Variants in KCNIP4 observed in about 807,000 individuals in gnomAD.
KCNIP4 encodes the protein potassium voltage-gated channel interacting protein 4.
Under a neutral mutation model 34.0 loss-of-function variants are expected in KCNIP4, and 12 were observed. That is an observed-to-expected ratio of 0.35 (90% confidence interval 0.23 to 0.57). KCNIP4 has a LOEUF of 0.57. Among genes scored for constraint, KCNIP4 ranks in the 20% least tolerant of loss-of-function variants. The pLI is 0.83. For synonymous variants in KCNIP4, 124 were observed against 102.2 expected (o/e 1.21, Z -1.29); for missense variants, 238 against 311.7 (o/e 0.76, Z 1.78).
intron 3 of KCNIP4, among the ~76,000 whole-genome samples, chr4:20,816,467 A>G (rs1199707710): frequency 6.6e-6 from 1 of 152,176 alleles, no homozygotes; most frequent in Non-Finnish European, 1.5e-5. Flanking sequence ...CGGGCAAGAC[A>G]AAAGACCTCT....
At chr4:21,122,747 C>T (rs1202243270) in intron 1 of KCNIP4, among the ~76,000 whole-genome samples, 1 of 152,112 alleles carries the variant, frequency 6.6e-6, no homozygotes, top group Non-Finnish European at 1.5e-5. Flanking sequence ...ATAGGGCATA[C>T]CCTCTAGTAC....
chr4:21,496,707 G>A (rs570609762), intron 1 of KCNIP4, among the ~76,000 whole-genome samples: 5 of 152,248 alleles, frequency 3.3e-5, no homozygotes, highest in Middle Eastern at 6.8e-3. Context: ...AGAGGTGAGC[G>A]ACTGGTGAGC....
At chr4:20,754,266 A>G (rs1754122641) in intron 4 of KCNIP4, among the ~76,000 whole-genome samples, 1 of 152,214 alleles carries the variant, frequency 6.6e-6, no homozygotes, top group Non-Finnish European at 1.5e-5. Context: ...TCACAAAGCA[A>G]TAGAGAAAGC....
chr4:20,738,458 A>C (rs1449648237), intron 5 of KCNIP4, among the ~76,000 whole-genome samples: 1 of 152,204 alleles, frequency 6.6e-6, no homozygotes, highest in Non-Finnish European at 1.5e-5. Flanking sequence ...GTGGGACCCC[A>C]AAATTTACAT....
intron 1 of KCNIP4, among the ~76,000 whole-genome samples, chr4:21,693,246 A>C (rs1300706678): frequency 1.3e-5 from 2 of 152,002 alleles, no homozygotes; most frequent in Non-Finnish European, 2.9e-5. Flanking sequence ...CAGACTTCAA[A>C]AATGTAGTAT....
chr4:21,017,267 C>T (rs762341700), intron 1 of KCNIP4, among the ~76,000 whole-genome samples: 2 of 152,160 alleles, frequency 1.3e-5, no homozygotes, highest in East Asian at 3.8e-4. Context: ...GCCTTAGTGG[C>T]TTGCTGCACC....
intron 1 of KCNIP4, among the ~76,000 whole-genome samples, chr4:21,688,345 C>A (rs987225723): frequency 6.6e-6 from 1 of 152,112 alleles, no homozygotes; most frequent in African/African-American, 2.4e-5. Flanking sequence ...ATATATTCTG[C>A]AAATATTCCA....
At chr4:21,342,391 G>A (rs1160021850) in intron 1 of KCNIP4, among the ~76,000 whole-genome samples, 1 of 152,058 alleles carries the variant, frequency 6.6e-6, no homozygotes, top group African/African-American at 2.4e-5. Flanking sequence ...ACTATTCAAA[G>A]CTATTTTTAT....
intron 1 of KCNIP4, among the ~76,000 whole-genome samples, chr4:21,517,418 T>C (rs1174040557): frequency 1.3e-5 from 2 of 152,168 alleles, no homozygotes; most frequent in Non-Finnish European, 2.9e-5. Context: ...GTCCTAACTT[T>C]AATAACTAAA....
intron 1 of KCNIP4, among the ~76,000 whole-genome samples, chr4:21,263,410 T>C (rs1001710635): frequency 2.6e-5 from 4 of 152,192 alleles, no homozygotes; most frequent in Admixed American, 2.6e-4. Flanking sequence ...TTAACCTTCA[T>C]CATGCCACCT....
At chr4:21,369,800 G>A (rs1475214203) in intron 1 of KCNIP4, among the ~76,000 whole-genome samples, 1 of 136,286 alleles carries the variant, frequency 7.3e-6, no homozygotes, top group South Asian at 2.3e-4. Flanking sequence ...GGGAAGGGCC[G>A]AGACCTTAAC....
At chr4:21,346,718 G>A (rs920531131) in intron 1 of KCNIP4, among the ~76,000 whole-genome samples, 1 of 152,074 alleles carries the variant, frequency 6.6e-6, no homozygotes, top group African/African-American at 2.4e-5. Flanking sequence ...CATGGATTCT[G>A]ATGGGACTGA....
At chr4:20,885,844 T>C (rs898895110) in intron 1 of KCNIP4, among the ~76,000 whole-genome samples, 8 of 152,204 alleles carry the variant, frequency 5.3e-5, no homozygotes, top group Admixed American at 5.2e-4. Flanking sequence ...TCTCAGGGCC[T>C]TTTCACATGC....
intron 1 of KCNIP4, among the ~76,000 whole-genome samples, chr4:21,087,145 AATGTGT>A (rs1331923291): frequency 0.018 from 1,248 of 70,286 alleles, 26 homozygotes; most frequent in African/African-American, 0.057. Flanking sequence ...ACTGCTGGGT[AATGTGT>A]GTGTGTGTGT....
intron 1 of KCNIP4, among the ~76,000 whole-genome samples, chr4:21,681,402 C>T (rs1750339005): frequency 6.6e-6 from 1 of 152,034 alleles, no homozygotes; most frequent in Non-Finnish European, 1.5e-5. Flanking sequence ...CCACCGTGCC[C>T]AGCCAGGGGC....
chr4:21,352,085 T>A (rs1205112685), intron 1 of KCNIP4, among the ~76,000 whole-genome samples: 1 of 152,076 alleles, frequency 6.6e-6, no homozygotes, highest in East Asian at 1.9e-4. Flanking sequence ...TAACCATCCA[T>A]CTCAAGGCAG....
intron 3 of KCNIP4, among the ~76,000 whole-genome samples, chr4:20,791,064 T>A (rs1239010982): frequency 3.3e-5 from 5 of 152,152 alleles, no homozygotes; most frequent in Non-Finnish European, 1.5e-5. Context: ...TGGGGCCAGA[T>A]GAAAAGACAT....
chr4:21,086,174 C>T (rs958599135), intron 1 of KCNIP4, among the ~76,000 whole-genome samples: 1 of 152,104 alleles, frequency 6.6e-6, no homozygotes, highest in Non-Finnish European at 1.5e-5. Flanking sequence ...CCTGGAGTGC[C>T]TAACGATTCT....
intron 1 of KCNIP4, among the ~76,000 whole-genome samples, chr4:21,240,653 G>A (rs1372275970): frequency 6.6e-6 from 1 of 152,076 alleles, no homozygotes; most frequent in African/African-American, 2.4e-5. Context: ...CAATTTATTA[G>A]AGAAGGCTTC....
Sources: allele counts gnomAD v4.1 joint callset (sites outside exome capture counted in the v4.1 genomes callset), GRCh38; gene constraint gnomAD v4.1.1; transcripts MANE v1.5; gene names NCBI Gene and HGNC (gene_info 2026-07-23, HGNC 2026-07-21).